Variants in SNX29 observed in about 807,000 individuals in gnomAD.
SNX29 encodes the protein sorting nexin 29, also known as sorting nexin-29.
A neutral mutation model predicts 102.1 loss-of-function variants in SNX29; 78 were observed. The ratio of observed to expected loss-of-function variants is 0.76; its 90% CI spans 0.64 to 0.92. The LOEUF is 0.92. SNX29 is among the 40% of genes least tolerant of loss of function. SNX29 has a pLI of 0.00. For missense variants in SNX29, 1,280 were observed against 1,061.7 expected, an observed-to-expected ratio of 1.21 and a Z score of -2.86; for synonymous variants, 580 against 414.5, an observed-to-expected ratio of 1.40 and a Z score of -4.85.
At chr16:12,213,961 G>T (rs138158856) in intron 14 of SNX29, among the ~76,000 whole-genome samples, 208 of 152,176 alleles carry the variant, frequency 1.4e-3, no homozygotes, top group African/African-American at 4.8e-3. Flanking sequence ...AGGGATGGAG[G>T]GTGCTAAAGT....
intron 20 of SNX29, among the ~76,000 whole-genome samples, chr16:12,528,425 C>G (rs1338480221): frequency 6.6e-6 from 1 of 152,098 alleles, no homozygotes; most frequent in African/African-American, 2.4e-5. Flanking sequence ...GTCTCAGACT[C>G]CTGACCTCAG....
chr16:12,144,428 C>T (rs2054976724), intron 13 of SNX29, among the ~76,000 whole-genome samples: 1 of 152,148 alleles, frequency 6.6e-6, no homozygotes, highest in African/African-American at 2.4e-5. Flanking sequence ...AATTACCAAG[C>T]AACAGTATAA....
intron 20 of SNX29, among the ~76,000 whole-genome samples, chr16:12,561,462 CTAGT>C (rs1436191020): frequency 6.6e-6 from 1 of 152,134 alleles, no homozygotes; most frequent in Non-Finnish European, 1.5e-5. Context: ...AAGGCAGCTC[CTAGT>C]AAGTGGAGTA....
At chr16:12,279,263 G>A (rs995336140) in intron 15 of SNX29, among the ~76,000 whole-genome samples, 2 of 152,204 alleles carry the variant, frequency 1.3e-5, no homozygotes, top group African/African-American at 2.4e-5. Flanking sequence ...AGAGGCCCAG[G>A]GCCTTGGAGG....
At chr16:12,561,243 C>G (rs1030597421) in intron 20 of SNX29, 5 of 229,910 alleles carry the variant, frequency 2.2e-5, no homozygotes, top group African/African-American at 6.6e-5. Flanking sequence ...AGCAAGGCCA[C>G]TCCCTCCCAC....
intron 20 of SNX29, among the ~76,000 whole-genome samples, chr16:12,561,881 G>C (rs920188990): frequency 2.4e-4 from 36 of 152,290 alleles, no homozygotes; most frequent in African/African-American, 8.4e-4. Context: ...CTGTCTCCTA[G>C]GTGACCGTGG....
intron 18 of SNX29, among the ~76,000 whole-genome samples, chr16:12,426,210 T>G (rs186697164): frequency 6.6e-6 from 1 of 152,318 alleles, no homozygotes; most frequent in East Asian, 1.9e-4. Context: ...AAGTTTATTA[T>G]TCATCTGTTT....
chr16:11,988,068 TG>T (rs1355810290), intron 1 of SNX29, among the ~76,000 whole-genome samples: 2 of 151,898 alleles, frequency 1.3e-5, no homozygotes, highest in Non-Finnish European at 2.9e-5. Flanking sequence ...CTGAGGCAGG[TG>T]GATCACCTGA....
At chr16:12,116,558 C>T (rs950576035) in intron 11 of SNX29, among the ~76,000 whole-genome samples, 1 of 151,506 alleles carries the variant, frequency 6.6e-6, no homozygotes, top group East Asian at 1.9e-4. Context: ...CTTGTGGCCC[C>T]AGGTACTTGG....
chr16:12,304,099 T>C (rs1477484145), intron 15 of SNX29, among the ~76,000 whole-genome samples: 1 of 152,222 alleles, frequency 6.6e-6, no homozygotes, highest in East Asian at 1.9e-4. Context: ...GAGAAATTTT[T>C]CCCAGGCCTA....
At chr16:12,242,187 T>G (rs2078124037) in intron 14 of SNX29, among the ~76,000 whole-genome samples, 1 of 152,028 alleles carries the variant, frequency 6.6e-6, no homozygotes, top group Admixed American at 6.6e-5. Context: ...TGATATACAG[T>G]AAATGTTAAT....
intron 13 of SNX29, among the ~76,000 whole-genome samples, chr16:12,186,224 C>CT (rs996991093): frequency 2.0e-5 from 3 of 152,014 alleles, no homozygotes; most frequent in Non-Finnish European, 4.4e-5. Context: ...AAAGGAACTT[C>CT]TTTTTTTAAA....
At chr16:12,008,596 C>G (rs2056538010) in intron 3 of SNX29, among the ~76,000 whole-genome samples, 1 of 151,930 alleles carries the variant, frequency 6.6e-6, no homozygotes, top group Non-Finnish European at 1.5e-5. Flanking sequence ...ACAAAAATGA[C>G]AGCTTGTTCA....
At chr16:12,337,970 C>A (rs1456247137) in intron 15 of SNX29, among the ~76,000 whole-genome samples, 1 of 152,184 alleles carries the variant, frequency 6.6e-6, no homozygotes, top group African/African-American at 2.4e-5. Flanking sequence ...CTTGAAAGTG[C>A]TGCGGTCTTT....
At position 12,572,805 on chromosome 16, in the gene SNX29, G is replaced by A. The variant is rs1004952846; in HGVS notation, c.*4176G>A. ...TCACTCCTCCTTCCCCAGTACATCA[G>A]ACTGGTTAGGAGGCATCCCAGAAGG... On this transcript the variant is annotated 3_prime_UTR_variant, in exon 21 of 21. Transcript: ENST00000566228. 5.6e-6 allele frequency: 6 copies of A among 1,063,294 alleles called. No homozygotes were observed. Among genetic ancestry groups the A allele is most frequent in the African/African-American group, 3.3e-5 (2 of 60,976 alleles). 65.9% of individuals were successfully genotyped at this position (1,063,294 alleles called of 1,614,324 possible). A position where few individuals can be genotyped will look rare whatever the true frequency, so the allele number is the denominator to read the frequency against.
intron 15 of SNX29, among the ~76,000 whole-genome samples, chr16:12,289,128 G>C (rs1269278212): frequency 1.3e-5 from 2 of 152,236 alleles, no homozygotes; most frequent in Non-Finnish European, 2.9e-5. Flanking sequence ...CACGGTTTCT[G>C]ATGTGAGCAC....
rs1015224815 is a variant in SNX29 at position 12,548,835 on chromosome 16, T to C, written c.2319-19671T>C. Among the ~76,000 whole-genome samples, 4 of 152,218 alleles carry C rather than the reference T, an allele frequency of 2.6e-5. No individual in the cohort carries two copies. The East Asian group carries it at 5.8e-4, about 22-fold the overall frequency. ...TTCCTATGGCAGGCCCAGCCCTGTC[T>C]AGCTCTCAGTTCCTCTGCTCTGCAG... On this transcript the variant is annotated intron_variant, in intron 20 of 20. Transcript: ENST00000566228.
chr16:12,477,740 G>A lies in SNX29; in HGVS notation c.2059G>A (p.Asp687Asn), dbSNP rs1265251804. The change falls in exon 19 of 21, where the codon GAT becomes AAT. Residue 687 changes from aspartate to asparagine, a missense_variant. Transcript: ENST00000566228. ...ACAGGTCTACATCCGGATAAAAGAC[G>A]ATGAATGGAATATTTATCGCCGGTA... The part of the protein sequence containing the change: ...VYQVYIRIKD[D>N]EWNIYRRYTE... The A allele has an allele frequency of 3.1e-6, 5 of 1,612,242 alleles. No individual in the cohort carries two copies. The highest frequency in any genetic ancestry group is 4.5e-5 in the East Asian group (2 of 44,862).
intron 4 of SNX29, chr16:12,027,838 G>C (rs578075324): frequency 6.1e-6 from 1 of 164,032 alleles, no homozygotes; most frequent in South Asian, 1.7e-4. Context: ...CAGAGGTTCT[G>C]TTATCATCCA....
Sources: gnomAD v4.1 joint callset for allele counts (sites outside exome capture counted in the v4.1 genomes callset) on GRCh38, gnomAD v4.1.1 for gene constraint, MANE v1.5 for transcripts, NCBI Gene and HGNC (gene_info 2026-07-23, HGNC 2026-07-21) for gene names.